Variants in DCDC1 observed in about 807,000 individuals in gnomAD.
DCDC1 encodes doublecortin domain-containing protein 1.
A neutral mutation model predicts 178.3 loss-of-function variants in DCDC1; 200 were observed. The observed-to-expected ratio is 1.12, with a 90% CI of 1.00 to 1.26. The LOEUF is 1.26. Among genes scored for constraint, DCDC1 ranks in the 50% most tolerant of loss-of-function variants. The pLI is 0.00. For missense variants in DCDC1, 1,983 were observed against 1,749.2 expected, an observed-to-expected ratio of 1.13 and a Z score of -2.38; for synonymous variants, 690 against 604.8, an observed-to-expected ratio of 1.14 and a Z score of -2.07.
intron 21 of DCDC1, among the ~76,000 whole-genome samples, chr11:30,937,558 C>T (rs1231293346): frequency 2.0e-5 from 3 of 152,134 alleles, no homozygotes; most frequent in Non-Finnish European, 4.4e-5. Flanking sequence ...TCTATCATTC[C>T]CTCATCTCCT....
intron 36 of DCDC1, among the ~76,000 whole-genome samples, chr11:30,888,077 AGAGAG>A (rs1565029310): frequency 4.2e-5 from 5 of 120,210 alleles, no homozygotes; most frequent in Non-Finnish European, 7.2e-5. Flanking sequence ...AGAGAGAGAG[AGAGAG>A]AGAAAGAAAG....
intron 32 of DCDC1, among the ~76,000 whole-genome samples, chr11:30,902,626 G>C (rs560013330): frequency 2.4e-4 from 36 of 152,050 alleles, no homozygotes; most frequent in Non-Finnish European, 4.0e-4. Flanking sequence ...AGTTAAAAAT[G>C]TATCCTAACT....
At chr11:31,153,698 G>A (rs1413565438) in intron 9 of DCDC1, among the ~76,000 whole-genome samples, 3 of 151,740 alleles carry the variant, frequency 2.0e-5, no homozygotes, top group East Asian at 1.9e-4. Context: ...CACAAGAATC[G>A]CTTGAACCCA....
chr11:30,929,454 A>G (rs1565088349), intron 22 of DCDC1, among the ~76,000 whole-genome samples: 1 of 152,094 alleles, frequency 6.6e-6, no homozygotes, highest in Non-Finnish European at 1.5e-5. Flanking sequence ...ATCTAAACTC[A>G]TTCTCAAAAG....
At chr11:31,105,260 C>A (rs968580372) in intron 13 of DCDC1, among the ~76,000 whole-genome samples, 16 of 151,906 alleles carry the variant, frequency 1.1e-4, no homozygotes, top group Admixed American at 5.9e-4. Flanking sequence ...TGGTAAATTT[C>A]TCCGACTACA....
chr11:31,073,331 A>G (rs1344804514), intron 18 of DCDC1, among the ~76,000 whole-genome samples: 1 of 152,206 alleles, frequency 6.6e-6, no homozygotes, highest in African/African-American at 2.4e-5. Flanking sequence ...TGAGACAAAA[A>G]GAAAGGTAAA....
intron 1 of DCDC1, among the ~76,000 whole-genome samples, chr11:31,359,262 T>G (rs1201498514): frequency 3.3e-5 from 5 of 151,282 alleles, no homozygotes; most frequent in Non-Finnish European, 7.4e-5. Flanking sequence ...CCATAAAAAA[T>G]GATGAGTTCA....
At chr11:30,954,999 T>G (rs1328930302) in intron 20 of DCDC1, among the ~76,000 whole-genome samples, 2 of 152,204 alleles carry the variant, frequency 1.3e-5, no homozygotes, top group Non-Finnish European at 2.9e-5. Flanking sequence ...CATATTTGAG[T>G]TATTGGAATA....
At chr11:31,323,040 T>G (rs1949452443) in intron 3 of DCDC1, among the ~76,000 whole-genome samples, 1 of 152,162 alleles carries the variant, frequency 6.6e-6, no homozygotes, top group African/African-American at 2.4e-5. Context: ...ATCTGCTATT[T>G]TCTAAAAATT....
At chr11:31,048,730 G>A (rs1197003485) in intron 20 of DCDC1, among the ~76,000 whole-genome samples, 1 of 152,070 alleles carries the variant, frequency 6.6e-6, no homozygotes, top group Non-Finnish European at 1.5e-5. Flanking sequence ...GGTGGCAGGC[G>A]CCTGTAGTCC....
chr11:31,359,292 G>A (rs923116328), intron 1 of DCDC1, among the ~76,000 whole-genome samples: 1 of 152,014 alleles, frequency 6.6e-6, no homozygotes, highest in Non-Finnish European at 1.5e-5. Context: ...TTGTGACATG[G>A]ATGAAATTGG....
chr11:31,003,914 T>C lies in DCDC1; in HGVS notation c.2592-51346A>G, dbSNP rs75574436. 5.4e-3 allele frequency among the ~76,000 whole-genome samples: 823 copies of C among 152,248 alleles called. 11 individuals carry two copies. The highest frequency in any genetic ancestry group is 0.019 in the African/African-American group (782 of 41,556). On this transcript the variant is annotated intron_variant, in intron 20 of 38. Transcript: ENST00000684477. ...CAAGAATTGGGTGAATCCAACAGTG[T>C]CCTACAAATTAGGTATGTTGACATG...
At chr11:31,304,393 A>G (rs914210663) in intron 6 of DCDC1, among the ~76,000 whole-genome samples, 4 of 152,182 alleles carry the variant, frequency 2.6e-5, no homozygotes, top group African/African-American at 9.6e-5. Flanking sequence ...ATATAAGCAA[A>G]TGATTCAATG....
intron 20 of DCDC1, among the ~76,000 whole-genome samples, chr11:30,999,801 T>C (rs1951471528): frequency 6.6e-6 from 1 of 152,190 alleles, no homozygotes; most frequent in Non-Finnish European, 1.5e-5. Flanking sequence ...GTAAAATATA[T>C]ACCAAAAATA....
At chr11:31,050,648 G>A (rs550896262) in intron 20 of DCDC1, among the ~76,000 whole-genome samples, 1 of 152,164 alleles carries the variant, frequency 6.6e-6, no homozygotes, top group Non-Finnish European at 1.5e-5. Context: ...ATCCTCGGCT[G>A]AGAGACCCAT....
At chr11:30,971,704 G>T (rs926699983) in intron 20 of DCDC1, among the ~76,000 whole-genome samples, 6 of 149,740 alleles carry the variant, frequency 4.0e-5, no homozygotes, top group Non-Finnish European at 7.4e-5. Flanking sequence ...CTGCCTCCCG[G>T]GTTCACACCA....
intron 20 of DCDC1, among the ~76,000 whole-genome samples, chr11:30,968,695 T>TTA (rs568125334): frequency 0.04 from 2,794 of 69,364 alleles, 182 homozygotes; most frequent in African/African-American, 0.15. Context: ...ATATATCAAA[T>TTA]TATATATATA....
intron 20 of DCDC1, among the ~76,000 whole-genome samples, chr11:31,004,453 C>A (rs996253654): frequency 1.3e-5 from 2 of 149,758 alleles, no homozygotes; most frequent in Non-Finnish European, 3.0e-5. Flanking sequence ...GTGGGAGGAT[C>A]ATGAGGTCAG....
chr11:30,953,646 T>C (rs1295163792), intron 20 of DCDC1, among the ~76,000 whole-genome samples: 1 of 152,102 alleles, frequency 6.6e-6, no homozygotes, highest in Non-Finnish European at 1.5e-5. Context: ...CTCAGCAGAA[T>C]GGTCCAAAGA....
Sources: allele counts gnomAD v4.1 joint callset (sites outside exome capture counted in the v4.1 genomes callset), GRCh38; gene constraint gnomAD v4.1.1; transcripts MANE v1.5; gene names NCBI Gene and HGNC (gene_info 2026-07-23, HGNC 2026-07-21).